SSR1: variants seen among roughly 807,000 people sequenced by gnomAD.
SSR1 encodes the protein translocon-associated protein subunit alpha.
A neutral mutation model predicts 36.1 loss-of-function variants in SSR1; 13 were observed. The ratio of observed to expected loss-of-function variants is 0.36; its 90% CI spans 0.23 to 0.57. The LOEUF is 0.57. Ranked by LOEUF, SSR1 falls within the 20% of genes least tolerant of loss-of-function variation. The probability of loss-of-function intolerance (pLI) is 0.81; values close to 1 mark genes in which losing one functional copy is unlikely to be tolerated. For synonymous variants in SSR1, 113 were observed against 118.9 expected, an observed-to-expected ratio of 0.95 and a Z score of 0.32; for missense variants, 291 against 338.5, an observed-to-expected ratio of 0.86 and a Z score of 1.10.
chr6:7,285,557 T>C lies in SSR1; in HGVS notation c.*4307A>G, dbSNP rs1350772564. On this transcript the variant is annotated 3_prime_UTR_variant, in exon 8 of 8. Coordinates refer to ENST00000244763, the MANE Select transcript of SSR1 (RefSeq NM_003144.5). This position sits in a 1 kb window ranked among gnomAD's most constrained non-coding sequence, Gnocchi z 4.1. ...TAGCCAGGCCTGTGGTGTGCGCCTG[T>C]GGTCCCAAATACTTGGAAAGCTGAA... 6.6e-6 allele frequency: 1 copy of C among 152,184 alleles called. No homozygotes were observed. Among genetic ancestry groups the C allele is most frequent in the Admixed American group, 6.5e-5 (1 of 15,270 alleles). 9.4% of individuals were successfully genotyped at this position (152,184 alleles called of 1,614,324 possible). A position where few individuals can be genotyped will look rare whatever the true frequency, so the allele number is the denominator to read the frequency against.
At chr6:7,290,515 C>A (rs3799514) in intron 7 of SSR1, among the ~76,000 whole-genome samples, 56,250 of 152,022 alleles carry the variant, frequency 0.37, 10,486 homozygotes, top group South Asian at 0.43. Context: ...TTTCCTCAAC[C>A]AGTGAAAGGC....
intron 2 of SSR1, 46 bp downstream of exon 2, chr6:7,309,871 A>T (rs752069544): frequency 7.2e-7 from 1 of 1,381,504 alleles, no homozygotes; most frequent in East Asian, 2.3e-5. Context: ...ACAGATGAAT[A>T]CAATTACATA....
At chr6:7,295,105 G>A (rs1757764017) in intron 7 of SSR1, 1 of 1,522,294 alleles carries the variant, frequency 6.6e-7, no homozygotes, top group Non-Finnish European at 8.7e-7. Flanking sequence ...ACTCTGCACT[G>A]AAGCAACAGA....
chr6:7,312,371 A>C (rs527998230), intron 1 of SSR1, among the ~76,000 whole-genome samples: 5 of 152,348 alleles, frequency 3.3e-5, no homozygotes, highest in South Asian at 2.1e-4. Context: ...GGAAGAAGGC[A>C]GAAGGGAGAC....
At position 7,296,815 on chromosome 6, in the gene SSR1, T is replaced by C. The variant is rs1392117728; in HGVS notation, c.699+1108A>G. 2.6e-5 allele frequency: 4 copies of C among 152,870 alleles called. No individual in the cohort carries two copies. The East Asian group carries it at 7.7e-4, about 29-fold the overall frequency. 9.5% of individuals were successfully genotyped at this position (152,870 alleles called of 1,614,324 possible). ...TCGTGGCAGACCCTAGGTGTTACCA[T>C]TTTATTACTCTAACCACAAAAACAG... On this transcript the variant is annotated intron_variant, in intron 6 of 7. Coordinates refer to ENST00000244763, the MANE Select transcript of SSR1 (RefSeq NM_003144.5).
intron 2 of SSR1, among the ~76,000 whole-genome samples, chr6:7,309,504 TA>T (rs35056102): frequency 0.3 from 46,257 of 152,054 alleles, 7,810 homozygotes; most frequent in African/African-American, 0.46. Context: ...GTACTATTGA[TA>T]ACGGTTTTGC....
At chr6:7,294,458 C>T (rs1480815876) in intron 7 of SSR1, among the ~76,000 whole-genome samples, 3 of 152,194 alleles carry the variant, frequency 2.0e-5, no homozygotes, top group East Asian at 1.9e-4. Context: ...GAGGCCGAGG[C>T]TAGCGGATCA....
In SSR1 at chr6:7,288,753, T is replaced by G. The variant is rs148883029; in HGVS notation, c.*1111A>C. The G allele has an allele frequency of 1.1e-3, 161 of 152,718 alleles. No individual in the cohort carries two copies. The highest frequency in any genetic ancestry group is 3.4e-3 in the African/African-American group (142 of 41,576). The allele number at this position is 152,718 out of a possible 1,614,324, so 9.5% of individuals were successfully genotyped here. A position where few individuals can be genotyped will look rare whatever the true frequency, so the allele number is the denominator to read the frequency against. On this transcript the variant is annotated 3_prime_UTR_variant, in exon 8 of 8. Coordinates refer to ENST00000244763, the MANE Select transcript of SSR1 (RefSeq NM_003144.5). ...GGCAAGAGTAACTCTATAAGAGGAT[T>G]TTATGAAGTACAATTTAATTTTGGT...
intron 7 of SSR1, among the ~76,000 whole-genome samples, chr6:7,290,812 G>T (rs73378306): frequency 0.023 from 3,380 of 149,184 alleles, 112 homozygotes; most frequent in African/African-American, 0.077. Context: ...TCATAAAATG[G>T]AAAAAAAAAA....
intron 3 of SSR1, 25 bp downstream of exon 3, chr6:7,303,525 A>G: frequency 6.5e-7 from 1 of 1,540,292 alleles, no homozygotes; most frequent in Non-Finnish European, 8.9e-7. Context: ...CTACATCTGA[A>G]TTAAAACTAA....
chr6:7,294,093 TAAG>T (rs1356629099), intron 7 of SSR1, among the ~76,000 whole-genome samples: 1 of 152,158 alleles, frequency 6.6e-6, no homozygotes, highest in Non-Finnish European at 1.5e-5. Flanking sequence ...AATTTATATA[TAAG>T]AATATTCATT....
In SSR1 at chr6:7,282,189, G is replaced by A. The variant is rs1423268982; in HGVS notation, c.*7675C>T. 1 of 152,248 alleles carries A rather than the reference G, an allele frequency of 6.6e-6. No homozygotes were observed. The highest frequency in any genetic ancestry group is 1.5e-5 in the Non-Finnish European group (1 of 68,098). The allele number at this position is 152,248 out of a possible 1,614,324, so 9.4% of individuals were successfully genotyped here. A position where few individuals can be genotyped will look rare whatever the true frequency, so the allele number is the denominator to read the frequency against. ...GTGGGCAGAAGCCATATTAGAAGAAGAGCTAAAGGAAAGCTGAAAACCTGG... is the reference window on the plus strand; with the variant it reads ...GTGGGCAGAAGCCATATTAGAAGAAAAGCTAAAGGAAAGCTGAAAACCTGG... On this transcript the variant is annotated 3_prime_UTR_variant, in exon 8 of 8. Coordinates refer to ENST00000244763, the MANE Select transcript of SSR1 (RefSeq NM_003144.5).
chr6:7,297,050 G>A, intron 6 of SSR1: 1 of 254,618 alleles, frequency 3.9e-6, no homozygotes, highest in South Asian at 3.1e-5. Flanking sequence ...GCGAAACCCT[G>A]TCTCTACAAA....
chr6:7,313,090 GA>G lies in SSR1; in HGVS notation c.30del (p.Leu11SerfsTer19). MRLLPRLLL[L>X]LLLVFPATVL... ...ACAGTGGCAGGGAACACGAGTAAGA[GA>G]AGCAGCAGCAAGCGGGGGAGGAGTC... On this transcript the variant is annotated frameshift_variant, in exon 1 of 8. Coordinates refer to ENST00000244763, the MANE Select transcript of SSR1 (RefSeq NM_003144.5). LOFTEE classifies it high-confidence loss of function. The G allele has an allele frequency of 6.2e-7, 1 of 1,608,662 alleles. No homozygotes were observed. The highest frequency in any genetic ancestry group is 8.5e-7 in the Non-Finnish European group (1 of 1,177,472).
At chr6:7,293,928 C>T (rs916191079) in intron 7 of SSR1, among the ~76,000 whole-genome samples, 11 of 152,042 alleles carry the variant, frequency 7.2e-5, no homozygotes, top group African/African-American at 1.7e-4. Flanking sequence ...TATATCATAC[C>T]GACAGATTAA....
At chr6:7,308,720 C>T (rs902359825) in intron 2 of SSR1, among the ~76,000 whole-genome samples, 2 of 148,990 alleles carry the variant, frequency 1.3e-5, no homozygotes, top group Non-Finnish European at 3.0e-5. Context: ...CTTCTCACCC[C>T]CTGCCATTAA....
At chr6:7,312,810 T>C (rs1332837332) in intron 1 of SSR1, among the ~76,000 whole-genome samples, 1 of 152,080 alleles carries the variant, frequency 6.6e-6, no homozygotes, top group East Asian at 1.9e-4. Flanking sequence ...CGAAGCAAGG[T>C]CGCCCGGGCA....
At chr6:7,303,713 G>A (rs906098857) in intron 2 of SSR1, 76 bp from the exon 3 acceptor site, 20 of 1,193,400 alleles carry the variant, frequency 1.7e-5, no homozygotes, top group Middle Eastern at 5.7e-4. Flanking sequence ...AGATTTGGCC[G>A]GGCACGGTGG....
chr6:7,299,128 G>A (rs760567351), intron 4 of SSR1, among the ~76,000 whole-genome samples: 3 of 152,176 alleles, frequency 2.0e-5, no homozygotes, highest in East Asian at 1.9e-4. Context: ...CAAACATAGC[G>A]AGATCCACAC....
Sources: gnomAD v4.1 joint callset for allele counts (sites outside exome capture counted in the v4.1 genomes callset) on GRCh38, gnomAD v4.1.1 for gene constraint, Gnocchi (gnomAD v3.1) non-coding constraint, MANE v1.5 for transcripts, NCBI Gene and HGNC (gene_info 2026-07-23, HGNC 2026-07-21) for gene names.